The following LOC400499 variants were observed in gnomAD, a reference collection of about 807,000 sequenced individuals.
At chr16:11,378,449 A>T in the LOC400499 span, among the ~76,000 whole-genome samples, 3 of 151,960 alleles carry the variant, frequency 2.0e-5, no homozygotes, top group African/African-American at 7.3e-5. Context: ...ATTTTAGTAG[A>T]GCTGGGGTTT....
the LOC400499 span, among the ~76,000 whole-genome samples, chr16:11,456,253 C>G: frequency 6.6e-6 from 1 of 152,168 alleles, no homozygotes; most frequent in South Asian, 2.1e-4. Flanking sequence ...CCATGTTGGC[C>G]AGGCTGATCT....
At chr16:11,493,765 G>A in the LOC400499 span, 35 of 392,874 alleles carry the variant, frequency 8.9e-5, no homozygotes, top group African/African-American at 3.0e-4. Flanking sequence ...TGCCAAGCCC[G>A]CGTTGCCGAC....
the LOC400499 span, among the ~76,000 whole-genome samples, chr16:11,379,339 T>C: frequency 1.3e-5 from 2 of 152,252 alleles, no homozygotes; most frequent in Admixed American, 1.3e-4. Context: ...TTAATATATT[T>C]AGGAGCTCTG....
At chr16:11,414,359 G>A in the LOC400499 span, 6 of 399,296 alleles carry the variant, frequency 1.5e-5, no homozygotes, top group African/African-American at 1.2e-4. Flanking sequence ...GTGAAGGGCA[G>A]GCCCAGCCTC....
the LOC400499 span, among the ~76,000 whole-genome samples, chr16:11,413,128 C>G: frequency 6.6e-6 from 1 of 152,188 alleles, no homozygotes; most frequent in African/African-American, 2.4e-5. Context: ...CCGGAGTCAG[C>G]CCCTATTGCA....
At chr16:11,391,066 C>G in the LOC400499 span, among the ~76,000 whole-genome samples, 2 of 152,232 alleles carry the variant, frequency 1.3e-5, no homozygotes, top group African/African-American at 4.8e-5. Flanking sequence ...GGAGTCCTGG[C>G]GCATTCCTCC....
chr16:11,425,985 A>G, the LOC400499 span, among the ~76,000 whole-genome samples: 2 of 152,226 alleles, frequency 1.3e-5, no homozygotes, highest in African/African-American at 4.8e-5. Flanking sequence ...TACATATAGA[A>G]GGAAAGAAAA....
chr16:11,448,821 G>T, the LOC400499 span: 1 of 1,044,452 alleles, frequency 9.6e-7, no homozygotes, highest in Non-Finnish European at 1.3e-6. Context: ...CAAGCCAGTA[G>T]CACAAAGCCC....
the LOC400499 span, among the ~76,000 whole-genome samples, chr16:11,455,839 C>A: frequency 4.0e-5 from 6 of 151,272 alleles, no homozygotes; most frequent in East Asian, 3.9e-4. Context: ...AAACTTTAAT[C>A]TTTTAGATTA....
the LOC400499 span, among the ~76,000 whole-genome samples, chr16:11,417,120 C>A: frequency 1.3e-5 from 2 of 151,256 alleles, no homozygotes; most frequent in Non-Finnish European, 2.9e-5. Flanking sequence ...CCCACCCCCC[C>A]TCACCCTCTG....
At chr16:11,391,870 G>A in the LOC400499 span, 2 of 1,207,432 alleles carry the variant, frequency 1.7e-6, no homozygotes, top group Non-Finnish European at 2.1e-6. Context: ...ACCTGGACAG[G>A]GAAACCGAGG....
chr16:11,525,118 T>C, the LOC400499 span, among the ~76,000 whole-genome samples: 547 of 152,082 alleles, frequency 3.6e-3, 4 homozygotes, highest in Non-Finnish European at 5.6e-3. Context: ...ACCCCCTCTC[T>C]ATAAAAAATA....
the LOC400499 span, chr16:11,399,781 G>A: frequency 1.7e-4 from 67 of 398,894 alleles, no homozygotes; most frequent in African/African-American, 1.0e-3. Context: ...GAGCTGCAGC[G>A]TCGCAGGTTG....
chr16:11,522,500 G>C, the LOC400499 span, among the ~76,000 whole-genome samples: 1 of 152,150 alleles, frequency 6.6e-6, no homozygotes, highest in Non-Finnish European at 1.5e-5. Context: ...CAGCCCAGTT[G>C]TGACAACCAA....
chr16:11,399,238 G>T, the LOC400499 span: 1 of 985,212 alleles, frequency 1.0e-6, no homozygotes, highest in African/African-American at 1.7e-5. Context: ...TCTGTTCCCA[G>T]CATCTCGGGC....
the LOC400499 span, chr16:11,460,478 T>C: frequency 2.0e-6 from 3 of 1,521,584 alleles, no homozygotes; most frequent in Admixed American, 4.0e-5. Flanking sequence ...GGAACCCACC[T>C]TGTGGCTGAA....
At chr16:11,389,761 G>T in the LOC400499 span, among the ~76,000 whole-genome samples, 1 of 147,464 alleles carries the variant, frequency 6.8e-6, no homozygotes, top group Non-Finnish European at 1.5e-5. Context: ...GCCTGCTTAA[G>T]ATGCGACTCT....
the LOC400499 span, among the ~76,000 whole-genome samples, chr16:11,521,194 G>C: frequency 6.6e-6 from 1 of 152,142 alleles, no homozygotes; most frequent in Non-Finnish European, 1.5e-5. Flanking sequence ...AAACGGCTTT[G>C]AGAAACTCTT....
the LOC400499 span, chr16:11,523,445 C>T: frequency 1.5e-5 from 6 of 398,632 alleles, no homozygotes; most frequent in Non-Finnish European, 2.2e-5. Flanking sequence ...TGCAGGAGGC[C>T]ACCTGCCCCA....
Sources: gnomAD v4.1 joint callset for allele counts (sites outside exome capture counted in the v4.1 genomes callset) on GRCh38, gnomAD v4.1.1 for gene constraint, MANE v1.5 for transcripts.